Variants in SCML4 observed in about 807,000 individuals in gnomAD.
SCML4 encodes Scm polycomb group protein like 4.
SCML4 carries 34 observed loss-of-function variants against 41.1 expected under a neutral mutation model. That is an observed-to-expected ratio of 0.83 (90% confidence interval 0.63 to 1.10). The LOEUF is 1.10. SCML4 is among the 50% of genes least tolerant of loss of function. The pLI, the probability that SCML4 is intolerant of heterozygous loss-of-function variation, is 0.00. For synonymous variants in SCML4, 214 were observed against 220.9 expected, an observed-to-expected ratio of 0.97 and a Z score of 0.28; for missense variants, 522 against 534.1, an observed-to-expected ratio of 0.98 and a Z score of 0.22.
At chr6:107,833,979 G>A in the SCML4 span, among the ~76,000 whole-genome samples, 1 of 152,154 alleles carries the variant, frequency 6.6e-6, no homozygotes, top group Non-Finnish European at 1.5e-5. Flanking sequence ...TATATGAGGT[G>A]TCATAATAAG....
At chr6:107,770,657 G>T (rs1057233041) in intron 2 of SCML4, among the ~76,000 whole-genome samples, 6 of 152,158 alleles carry the variant, frequency 3.9e-5, no homozygotes, top group Admixed American at 1.3e-4. Context: ...AGTTGTCTCT[G>T]AGTGTCATGA....
chr6:107,742,489 A>G (rs565145896), intron 5 of SCML4, among the ~76,000 whole-genome samples: 2 of 152,318 alleles, frequency 1.3e-5, no homozygotes, highest in African/African-American at 4.8e-5. Flanking sequence ...CAAGGCATAT[A>G]TTATAATCAT....
At chr6:107,776,778 T>G (rs997854083) in intron 1 of SCML4, among the ~76,000 whole-genome samples, 14 of 152,220 alleles carry the variant, frequency 9.2e-5, no homozygotes, top group African/African-American at 3.4e-4. Flanking sequence ...CCAAGGATAT[T>G]CTTTGCAGCA....
the SCML4 span, among the ~76,000 whole-genome samples, chr6:107,845,631 T>C: frequency 6.6e-6 from 1 of 152,226 alleles, no homozygotes; most frequent in Non-Finnish European, 1.5e-5. Context: ...TTTGAAACTC[T>C]TCAGGGACAA....
intron 2 of SCML4, among the ~76,000 whole-genome samples, chr6:107,767,578 T>C (rs1780164687): frequency 6.6e-6 from 1 of 152,228 alleles, no homozygotes; most frequent in Admixed American, 6.5e-5. Context: ...ACATTGCATT[T>C]ACCCATATTA....
At chr6:107,726,033 C>T (rs1206588653) in intron 5 of SCML4, among the ~76,000 whole-genome samples, 9 of 142,434 alleles carry the variant, frequency 6.3e-5, no homozygotes, top group African/African-American at 2.4e-4. Flanking sequence ...GCCGAGATGG[C>T]GCCACTGCAC....
chr6:107,746,630 C>A (rs1461285710), intron 4 of SCML4, 59 bp downstream of exon 4: 1 of 1,487,098 alleles, frequency 6.7e-7, no homozygotes, highest in Non-Finnish European at 9.3e-7. Flanking sequence ...CTGAGTATGG[C>A]TGCTTCCTCT....
chr6:107,835,763 C>CAAAAAAA, the SCML4 span, among the ~76,000 whole-genome samples: 2 of 86,306 alleles, frequency 2.3e-5, no homozygotes, highest in Non-Finnish European at 4.2e-5. Flanking sequence ...GACCCCATCT[C>CAAAAAAA]AAAAAAAAAA....
At chr6:107,768,563 A>G (rs1299788843) in intron 2 of SCML4, among the ~76,000 whole-genome samples, 1 of 152,206 alleles carries the variant, frequency 6.6e-6, no homozygotes, top group African/African-American at 2.4e-5. Flanking sequence ...CAATAATACA[A>G]GGCGATGGCT....
At chr6:107,724,476 T>G (rs1329469924) in intron 5 of SCML4, among the ~76,000 whole-genome samples, 1 of 152,212 alleles carries the variant, frequency 6.6e-6, no homozygotes, top group Non-Finnish European at 1.5e-5. Flanking sequence ...TCAATTGTAT[T>G]TCTACACATT....
intron 2 of SCML4, among the ~76,000 whole-genome samples, chr6:107,763,137 C>T (rs952497468): frequency 6.6e-6 from 1 of 151,992 alleles, no homozygotes; most frequent in African/African-American, 2.4e-5. Flanking sequence ...GCTGCCTAGC[C>T]TCCCAAAGTG....
At chr6:107,794,675 T>A (rs993341302) in intron 1 of SCML4, among the ~76,000 whole-genome samples, 1 of 152,214 alleles carries the variant, frequency 6.6e-6, no homozygotes, top group Non-Finnish European at 1.5e-5. Flanking sequence ...GTTGAATACT[T>A]ACTTCGATAA....
intron 1 of SCML4, among the ~76,000 whole-genome samples, chr6:107,813,536 G>A (rs867601713): frequency 3.3e-5 from 5 of 151,192 alleles, no homozygotes; most frequent in African/African-American, 1.2e-4. Flanking sequence ...TTACAGAATG[G>A]TCATGGAACA....
chr6:107,803,571 G>A (rs1388182092), intron 1 of SCML4, among the ~76,000 whole-genome samples: 2 of 147,798 alleles, frequency 1.4e-5, no homozygotes, highest in South Asian at 2.2e-4. Context: ...CATTGAGAAC[G>A]GGCCATGATG....
At chr6:107,835,813 A>G in the SCML4 span, among the ~76,000 whole-genome samples, 1 of 151,746 alleles carries the variant, frequency 6.6e-6, no homozygotes. Flanking sequence ...AAATTATTAG[A>G]AGGATAGAAG....
chr6:107,739,948 G>T (rs1360494232), intron 5 of SCML4: 1 of 360,178 alleles, frequency 2.8e-6, no homozygotes, highest in African/African-American at 2.1e-5. Flanking sequence ...TCCCTGACAA[G>T]CAAAATTCAC....
At chr6:107,763,629 T>A (rs1344224264) in intron 2 of SCML4, among the ~76,000 whole-genome samples, 1 of 152,104 alleles carries the variant, frequency 6.6e-6, no homozygotes, top group African/African-American at 2.4e-5. Flanking sequence ...TCAAGTGATC[T>A]GCCTGCCTCT....
chr6:107,841,641 C>A, the SCML4 span, among the ~76,000 whole-genome samples: 20 of 152,292 alleles, frequency 1.3e-4, no homozygotes, highest in African/African-American at 4.6e-4. Context: ...ACTATATGGA[C>A]AAATATATGC....
At chr6:107,812,845 A>G (rs949370991) in intron 1 of SCML4, among the ~76,000 whole-genome samples, 1 of 145,168 alleles carries the variant, frequency 6.9e-6, no homozygotes, top group Non-Finnish European at 1.5e-5. Context: ...CATTTGACCA[A>G]CTCCTTATAG....
Sources: allele counts gnomAD v4.1 joint callset (sites outside exome capture counted in the v4.1 genomes callset), GRCh38; gene constraint gnomAD v4.1.1; transcripts MANE v1.5; gene names NCBI Gene and HGNC (gene_info 2026-07-23, HGNC 2026-07-21).